Variants in DOCK5 observed in about 807,000 individuals in gnomAD.
DOCK5 encodes the protein dedicator of cytokinesis 5, also known as dedicator of cytokinesis protein 5.
A neutral mutation model predicts 251.8 loss-of-function variants in DOCK5; 142 were observed. The observed-to-expected ratio is 0.56, with a 90% CI of 0.49 to 0.65. The LOEUF (loss-of-function observed/expected upper bound fraction) is 0.65, where lower values mean the gene tolerates loss of function less well. Among genes scored for constraint, DOCK5 ranks in the 30% least tolerant of loss-of-function variants. DOCK5 has a pLI of 0.00. For missense variants in DOCK5, 2,111 were observed against 2,312.3 expected (o/e 0.91, Z 1.79); for synonymous variants, 842 against 835.5 (o/e 1.01, Z -0.13).
intron 1 of DOCK5, among the ~76,000 whole-genome samples, chr8:25,205,760 G>T (rs1044466366): frequency 2.6e-5 from 4 of 152,154 alleles, no homozygotes; most frequent in Admixed American, 6.5e-5. Context: ...AGAGACATGG[G>T]TTACTGAAGA....
intron 2 of DOCK5, among the ~76,000 whole-genome samples, chr8:25,253,219 A>G (rs1189403411): frequency 2.0e-5 from 3 of 152,236 alleles, no homozygotes; most frequent in Middle Eastern, 3.2e-3. Flanking sequence ...ACCTTCATTC[A>G]GTTATTCTGT....
At chr8:25,327,656 C>G (rs986898721) in intron 18 of DOCK5, among the ~76,000 whole-genome samples, 4 of 152,142 alleles carry the variant, frequency 2.6e-5, no homozygotes, top group Non-Finnish European at 5.9e-5. Flanking sequence ...TCTGAATGTT[C>G]TTAACTAGCC....
chr8:25,401,055 G>C lies in DOCK5; in HGVS notation c.4915G>C (p.Val1639Leu). ...LKEKVEKHYG[V>L]ITLPPNLTER... is the part of the protein sequence containing the mutation. ...GGAGAAAGTAGAAAAGCACTATGGG[G>C]TTATAACACTGGTAAGCATGATCTA... Residue 1639 changes from valine (V) to leucine (L), a missense_variant, in exon 47 of 52, where the codon GTT (valine) becomes CTT (leucine). Physicochemically the swap from Val to Leu is conservative, Grantham distance 32. Around this residue, in one of 3 missense-constraint regions of DOCK5, gnomAD observed 1,717 missense variants for 1,892.4 expected, o/e 0.91. Coordinates refer to ENST00000276440, the MANE Select transcript of DOCK5 (RefSeq NM_024940.8). The C allele has an allele frequency of 6.2e-7, 1 of 1,614,000 alleles. No homozygotes were observed. The highest frequency in any genetic ancestry group is 8.5e-7 in the Non-Finnish European group (1 of 1,179,872).
At chr8:25,367,747 A>G (rs1005719621) in intron 31 of DOCK5, among the ~76,000 whole-genome samples, 23 of 151,988 alleles carry the variant, frequency 1.5e-4, no homozygotes, top group African/African-American at 5.3e-4. Context: ...GAGCCTTCCA[A>G]TGTGAATATT....
chr8:25,217,897 C>T (rs1408195144), intron 1 of DOCK5, among the ~76,000 whole-genome samples: 4 of 152,196 alleles, frequency 2.6e-5, no homozygotes, highest in African/African-American at 7.2e-5. Context: ...GGCCACTGCA[C>T]CTACTAAGAT....
At chr8:25,203,102 A>C (rs1563306597) in intron 1 of DOCK5, among the ~76,000 whole-genome samples, 1 of 152,354 alleles carries the variant, frequency 6.6e-6, no homozygotes, top group South Asian at 2.1e-4. Flanking sequence ...ATGTGTGACC[A>C]GTAGCTCTTG....
chr8:25,320,945 T>C, intron 15 of DOCK5, 35 bp from the exon 16 acceptor site: 1 of 1,577,766 alleles, frequency 6.3e-7, no homozygotes, highest in Non-Finnish European at 8.7e-7. Flanking sequence ...AAGTACTGTG[T>C]GTCTGTAAAC....
intron 39 of DOCK5, among the ~76,000 whole-genome samples, chr8:25,380,917 A>G (rs1206653630): frequency 6.6e-6 from 1 of 150,798 alleles, no homozygotes; most frequent in African/African-American, 2.4e-5. Context: ...CAGTGGAGGC[A>G]GCACCATTCC....
intron 12 of DOCK5, 99 bp from the exon 13 acceptor site, chr8:25,310,308 A>G: frequency 8.2e-7 from 1 of 1,222,112 alleles, no homozygotes; most frequent in South Asian, 1.8e-5. Flanking sequence ...CTTTACAGTA[A>G]GGTTGTGACT....
chr8:25,400,958 C>G lies in DOCK5; in HGVS notation c.4818C>G (p.Ile1606Met). ...QMPLLTEGIR[I>M]HGEKLTEQLK... ...CCCTGCTAACAGAAGGGATCCGCAT[C>G]CATGGGGAGAAACTCACAGAGCAGC... is the stretch of plus-strand genomic sequence containing the variant. The change falls in exon 47 of 52, where the codon ATC (isoleucine) becomes ATG (methionine). Residue 1606 changes from isoleucine to methionine, a missense_variant. Ile to Met is a conservative substitution (Grantham distance 10). This residue lies in a region of DOCK5 where 1,717 missense variants were observed against 1,892.4 expected (regional missense o/e 0.91). Transcript: ENST00000276440. The G allele has an allele frequency of 6.2e-7, 1 of 1,614,018 alleles. No individual in the cohort carries two copies. Among genetic ancestry groups the G allele is most frequent in the Non-Finnish European group, 8.5e-7 (1 of 1,179,894 alleles).
At chr8:25,331,801 T>G (rs57216902) in intron 18 of DOCK5, among the ~76,000 whole-genome samples, 1,583 of 118,350 alleles carry the variant, frequency 0.013, 52 homozygotes, top group African/African-American at 0.052. Flanking sequence ...TATATATATA[T>G]AGAGAGAGAG....
chr8:25,188,894 A>G (rs1014967968), intron 1 of DOCK5, among the ~76,000 whole-genome samples: 1 of 152,142 alleles, frequency 6.6e-6, no homozygotes, highest in African/African-American at 2.4e-5. Flanking sequence ...TTAAGCAAAC[A>G]TTAGTGATAA....
intron 5 of DOCK5, among the ~76,000 whole-genome samples, chr8:25,284,861 G>C (rs1461113035): frequency 6.6e-6 from 1 of 152,164 alleles, no homozygotes; most frequent in African/African-American, 2.4e-5. Flanking sequence ...GTGTATTCGT[G>C]GACACAGTAG....
intron 1 of DOCK5, among the ~76,000 whole-genome samples, chr8:25,215,854 T>C (rs1802229409): frequency 6.6e-6 from 1 of 151,916 alleles, no homozygotes; most frequent in African/African-American, 2.4e-5. Flanking sequence ...GAAAAGGTTA[T>C]TGTCATTTCT....
chr8:25,363,498 T>G (rs975316281), intron 29 of DOCK5, among the ~76,000 whole-genome samples: 5 of 152,244 alleles, frequency 3.3e-5, no homozygotes, highest in African/African-American at 9.6e-5. Flanking sequence ...CCATGATGTA[T>G]TTAACCAGAT....
At chr8:25,310,319 A>G (rs890331484) in intron 12 of DOCK5, 88 bp from the exon 13 acceptor site, 3 of 1,370,034 alleles carry the variant, frequency 2.2e-6, no homozygotes, top group East Asian at 4.8e-5. Flanking sequence ...GGTTGTGACT[A>G]TACAACTCAA....
intron 48 of DOCK5, among the ~76,000 whole-genome samples, chr8:25,404,003 T>G (rs865828726): frequency 1.3e-5 from 2 of 152,324 alleles, no homozygotes; most frequent in South Asian, 4.1e-4. Context: ...TACATCTATT[T>G]TATGAATAGG....
intron 2 of DOCK5, among the ~76,000 whole-genome samples, chr8:25,252,388 A>G (rs1803294845): frequency 6.6e-6 from 1 of 152,352 alleles, no homozygotes; most frequent in South Asian, 2.1e-4. Flanking sequence ...GTTACCCGCT[A>G]ATTAAAATAA....
At position 25,296,140 on chromosome 8, in the gene DOCK5, C is replaced by G. The variant is rs576215275; in HGVS notation, c.471-373C>G. 3.3e-5 allele frequency among the ~76,000 whole-genome samples: 5 copies of G among 152,264 alleles called. No homozygotes were observed. In the South Asian group the frequency reaches 8.3e-4, roughly 25 times the overall value. On this transcript the variant is annotated intron_variant, in intron 6 of 51. Transcript: ENST00000276440. ...TGGCAAAGGAGGTGTTTATTAAACA[C>G]AGGTTGAATCTTAATTTTGTTTGCT...
Sources: gnomAD v4.1 joint callset for allele counts (sites outside exome capture counted in the v4.1 genomes callset) on GRCh38, gnomAD v4.1.1 for gene constraint, gnomAD v4.1.1 regional missense constraint, MANE v1.5 for transcripts, NCBI Gene and HGNC (gene_info 2026-07-23, HGNC 2026-07-21) for gene names.